The following ARHGAP19 variants were observed in gnomAD, a reference collection of about 807,000 sequenced individuals.
The protein encoded by ARHGAP19 is rho GTPase-activating protein 19.
Under a neutral mutation model 60.9 loss-of-function variants are expected in ARHGAP19, and 48 were observed. The observed-to-expected ratio is 0.79, with a 90% CI of 0.62 to 1.00. The LOEUF (loss-of-function observed/expected upper bound fraction) is 1.00. Among genes scored for constraint, ARHGAP19 ranks in the 50% least tolerant of loss-of-function variants. ARHGAP19 has a pLI of 0.00. For synonymous variants in ARHGAP19, 209 were observed against 215.5 expected, an observed-to-expected ratio of 0.97 and a Z score of 0.27; for missense variants, 562 against 597.2, an observed-to-expected ratio of 0.94 and a Z score of 0.61.
In ARHGAP19 at chr10:97,242,055, A is replaced by AAAAT. The variant is rs1350616117; in HGVS notation, c.1185+1909_1185+1912dup. 2.5e-3 allele frequency among the ~76,000 whole-genome samples: 374 copies of AAAAT among 149,304 alleles called. 2 individuals carry two copies. Among genetic ancestry groups the AAAAT allele is most frequent in the African/African-American group, 8.8e-3 (364 of 41,178 alleles). On this transcript the variant is annotated intron_variant, in intron 8 of 11. Coordinates refer to ENST00000358531, the MANE Select transcript of ARHGAP19 (RefSeq NM_032900.6). ...ATAATAATAATTAATAAATAAATAA[A>AAAAT]AAATAAAATGTATGGAAGGAGTCTG...
chr10:97,270,661 GC>G (rs1213944210), intron 1 of ARHGAP19: 2 of 1,547,090 alleles, frequency 1.3e-6, no homozygotes. Context: ...CAGGAAGAAA[GC>G]TTTCCCCTTG....
intron 8 of ARHGAP19, among the ~76,000 whole-genome samples, chr10:97,237,896 C>T (rs1842407627): frequency 6.6e-6 from 1 of 151,666 alleles, no homozygotes; most frequent in Non-Finnish European, 1.5e-5. Context: ...AACAAAAAAA[C>T]AAAACAACAA....
At chr10:97,256,469 G>A in intron 5 of ARHGAP19, 65 bp from the exon 6 acceptor site, 1 of 1,151,408 alleles carries the variant, frequency 8.7e-7, no homozygotes, top group Admixed American at 1.8e-5. Flanking sequence ...TTACCAATAA[G>A]CCTGTTCTTT....
intron 9 of ARHGAP19, among the ~76,000 whole-genome samples, chr10:97,233,557 C>A (rs1050177402): frequency 5.3e-5 from 8 of 152,162 alleles, no homozygotes; most frequent in African/African-American, 7.2e-5. Context: ...AAACCAAACA[C>A]CACATGTTCT....
At chr10:97,286,610 A>G (rs1214397007) in intron 1 of ARHGAP19, among the ~76,000 whole-genome samples, 1 of 152,212 alleles carries the variant, frequency 6.6e-6, no homozygotes, top group Non-Finnish European at 1.5e-5. Context: ...AAGGCTCAGA[A>G]GTCATGTTTA....
At chr10:97,270,506 GA>G in intron 1 of ARHGAP19, 1 of 906,648 alleles carries the variant, frequency 1.1e-6, no homozygotes, top group South Asian at 1.8e-5. Context: ...TAGGACTAAA[GA>G]AAAAACTACT....
At chr10:97,264,989 A>G (rs1455041345) in intron 2 of ARHGAP19, 83 bp from the exon 3 acceptor site, 1 of 1,047,238 alleles carries the variant, frequency 9.5e-7, no homozygotes, top group Non-Finnish European at 1.4e-6. Context: ...CAAGCATCCT[A>G]TTTTACAATT....
rs1564731540 is a variant in ARHGAP19, at chr10:97,290,030, T to C, written c.56+2542A>G. On this transcript the variant is annotated intron_variant, in intron 1 of 11. Coordinates refer to ENST00000358531, the MANE Select transcript of ARHGAP19 (RefSeq NM_032900.6). Reference sequence around the variant, plus strand: ...TCAAATGTATCAATCACCTCTACAGTTCCCGGGCAAAAAAAAAAAATGATC... The same window carrying C: ...TCAAATGTATCAATCACCTCTACAGCTCCCGGGCAAAAAAAAAAAATGATC... 2.0e-5 allele frequency among the ~76,000 whole-genome samples: 3 copies of C among 152,072 alleles called. No individual in the cohort carries two copies. In the South Asian group the frequency reaches 6.2e-4, roughly 32 times the overall value.
intron 9 of ARHGAP19, among the ~76,000 whole-genome samples, chr10:97,231,059 C>CAAAATAAAA (rs1851003018): frequency 1.7e-5 from 1 of 59,752 alleles, no homozygotes; most frequent in Non-Finnish European, 2.9e-5. Context: ...CTTGTCTCAC[C>CAAAATAAAA]AAAAAAAAAA....
intron 6 of ARHGAP19, among the ~76,000 whole-genome samples, chr10:97,247,741 A>G (rs1011030318): frequency 2.0e-5 from 3 of 151,992 alleles, no homozygotes; most frequent in African/African-American, 7.2e-5. Flanking sequence ...AGGAAGAAAC[A>G]CTTAATGAAT....
At chr10:97,290,583 T>C (rs1469942841) in intron 1 of ARHGAP19, among the ~76,000 whole-genome samples, 13 of 152,004 alleles carry the variant, frequency 8.6e-5, no homozygotes, top group Admixed American at 8.5e-4. Flanking sequence ...CGGCCCGCCA[T>C]CATCTTAGAA....
chr10:97,270,720 C>T lies in ARHGAP19; in HGVS notation c.57-4595G>A, dbSNP rs55965423. 676 of 1,516,936 alleles carry T rather than the reference C, an allele frequency of 4.5e-4. 1 individual carries two copies. In the African/African-American group the frequency reaches 7.5e-3, roughly 17 times the overall value. 94.0% of individuals were successfully genotyped at this position (1,516,936 alleles called of 1,614,324 possible). ...CCTTTCCCTGCCCCAGCACAGCCTACGCAAATTCCAGACATGTTAGAGGAT... is the reference window on the plus strand; with the variant it reads ...CCTTTCCCTGCCCCAGCACAGCCTATGCAAATTCCAGACATGTTAGAGGAT... On this transcript the variant is annotated intron_variant, in intron 1 of 11. Coordinates refer to ENST00000358531, the MANE Select transcript of ARHGAP19 (RefSeq NM_032900.6).
At chr10:97,236,731 T>C (rs759165176) in intron 8 of ARHGAP19, among the ~76,000 whole-genome samples, 10 of 146,336 alleles carry the variant, frequency 6.8e-5, no homozygotes, top group South Asian at 6.6e-4. Flanking sequence ...CATGATCACC[T>C]GAGCCCAGGG....
intron 9 of ARHGAP19, among the ~76,000 whole-genome samples, chr10:97,233,439 G>A (rs1851064167): frequency 6.6e-6 from 1 of 152,158 alleles, no homozygotes; most frequent in East Asian, 1.9e-4. Context: ...CTGTGTTGCT[G>A]GAATTATATA....
chr10:97,246,381 A>T (rs1474090559), intron 6 of ARHGAP19, 44 bp from the exon 7 acceptor site: 5 of 1,465,898 alleles, frequency 3.4e-6, no homozygotes, highest in South Asian at 1.1e-5. Flanking sequence ...TGATTAGTAG[A>T]ATATAACATT....
At chr10:97,271,514 A>G (rs963932398) in intron 1 of ARHGAP19, among the ~76,000 whole-genome samples, 2 of 152,182 alleles carry the variant, frequency 1.3e-5, no homozygotes, top group African/African-American at 4.8e-5. Flanking sequence ...TAGTCAAATG[A>G]CATGATCAGT....
rs1197735681 is a variant in ARHGAP19, at chr10:97,235,276, G to A, written c.1225C>T (p.Pro409Ser). The A allele has an allele frequency of 6.2e-7, 1 of 1,613,838 alleles. No individual in the cohort carries two copies. Among genetic ancestry groups the A allele is most frequent in the Admixed American group, 1.7e-5 (1 of 59,996 alleles). Residue 409 changes from proline to serine, a missense_variant, in exon 9 of 12, where the codon CCT (proline) becomes TCT (serine). Transcript: ENST00000358531. ...CTCTTTTGTACCTGGGAAGTAGAAGGTTCTCGCCCTGGTGTCTGGGTCAAT... is the reference window on the plus strand; with the variant it reads ...CTCTTTTGTACCTGGGAAGTAGAAGATTCTCGCCCTGGTGTCTGGGTCAAT... Reference protein sequence around the residue: ...QSLTQTPGREPSTSQVQKRAR... With the variant: ...QSLTQTPGRESSTSQVQKRAR...
intron 3 of ARHGAP19, 142 bp downstream of exon 3, chr10:97,264,684 A>T (rs527590996): frequency 6.8e-6 from 4 of 590,686 alleles, no homozygotes; most frequent in South Asian, 2.2e-5. Context: ...AAATATATTT[A>T]AAAACATGCC....
At chr10:97,280,178 G>A (rs1843065446) in intron 1 of ARHGAP19, among the ~76,000 whole-genome samples, 1 of 152,022 alleles carries the variant, frequency 6.6e-6, no homozygotes, top group Non-Finnish European at 1.5e-5. Flanking sequence ...AGGCCGAGGT[G>A]GACAGATCAT....
Sources: allele counts gnomAD v4.1 joint callset (sites outside exome capture counted in the v4.1 genomes callset), GRCh38; gene constraint gnomAD v4.1.1; transcripts MANE v1.5; gene names NCBI Gene and HGNC (gene_info 2026-07-23, HGNC 2026-07-21).